Variants in SOX5 observed in about 807,000 individuals in gnomAD.
SOX5 encodes SRY-box transcription factor 5.
A neutral mutation model predicts 92.0 loss-of-function variants in SOX5; 9 were observed. The observed-to-expected ratio is 0.10, with a 90% confidence interval of 0.06 to 0.17. The LOEUF is 0.17. Ranked by LOEUF, SOX5 falls within the 10% of genes least tolerant of loss-of-function variation. The pLI, the probability that SOX5 is intolerant of heterozygous loss-of-function variation, is 1.00. For synonymous variants in SOX5, 344 were observed against 336.3 expected, an observed-to-expected ratio of 1.02 and a Z score of -0.25; for missense variants, 642 against 944.5, an observed-to-expected ratio of 0.68 and a Z score of 4.20.
At chr12:24,484,818 T>C (rs1168305148) in intron 1 of SOX5, among the ~76,000 whole-genome samples, 3 of 152,200 alleles carry the variant, frequency 2.0e-5, no homozygotes, top group Non-Finnish European at 4.4e-5. Context: ...TCAACCCCTG[T>C]TTTGCATAAA....
chr12:24,310,588 T>G (rs1330820386), intron 2 of SOX5, among the ~76,000 whole-genome samples: 1 of 152,168 alleles, frequency 6.6e-6, no homozygotes, highest in Non-Finnish European at 1.5e-5. Context: ...TCCACATTCT[T>G]TTGGATGAAA....
At chr12:24,161,975 A>T (rs1593772334) in intron 4 of SOX5, among the ~76,000 whole-genome samples, 2 of 152,246 alleles carry the variant, frequency 1.3e-5, no homozygotes, top group East Asian at 3.9e-4. Flanking sequence ...GGTTAATGGG[A>T]AAATTTAATA....
At chr12:23,566,375 T>C (rs1947092395) in intron 10 of SOX5, among the ~76,000 whole-genome samples, 3 of 152,192 alleles carry the variant, frequency 2.0e-5, no homozygotes, top group South Asian at 4.1e-4. Context: ...TCTGTTGCAA[T>C]TGGTCTCTAG....
intron 3 of SOX5, among the ~76,000 whole-genome samples, chr12:23,809,497 A>AT (rs1241620403): frequency 2.0e-5 from 3 of 151,912 alleles, no homozygotes; most frequent in African/African-American, 7.2e-5. Context: ...GTAGCCCCAA[A>AT]TTATGTGGCT....
intron 3 of SOX5, among the ~76,000 whole-genome samples, chr12:23,784,110 A>C (rs114251839): frequency 0.014 from 2,116 of 152,228 alleles, 55 homozygotes; most frequent in African/African-American, 0.048. Flanking sequence ...TATTATGATG[A>C]CGAGAAAGGA....
intron 3 of SOX5, among the ~76,000 whole-genome samples, chr12:24,239,759 G>T (rs143439156): frequency 3.6e-4 from 55 of 152,290 alleles, no homozygotes; most frequent in African/African-American, 1.2e-3. Context: ...AAAGTTTTCT[G>T]CCAGGAAGAG....
intron 2 of SOX5, among the ~76,000 whole-genome samples, chr12:24,364,407 T>C (rs111310863): frequency 2.3e-3 from 347 of 151,326 alleles, no homozygotes; most frequent in African/African-American, 7.9e-3. Context: ...TCTTCTGTCC[T>C]TAGAAAGGAC....
At position 23,714,086 on chromosome 12, in the gene SOX5, G is replaced by A. The variant is rs1376123784; in HGVS notation, c.810+20598C>T. Among the ~76,000 whole-genome samples, 6 of 143,022 alleles carry A rather than the reference G, an allele frequency of 4.2e-5. No homozygotes were observed. In the South Asian group the frequency reaches 6.6e-4, roughly 16 times the overall value. 93.8% of individuals were successfully genotyped at this position (143,022 alleles called of 152,430 possible). ...AGACTAGGTGACAAAGCAAGACTCC[G>A]CCTCAAAAAAAAAAAAAAAGAAAAG... On this transcript the variant is annotated intron_variant, in intron 6 of 14. Coordinates refer to ENST00000451604, the MANE Select transcript of SOX5 (RefSeq NM_006940.6).
intron 6 of SOX5, among the ~76,000 whole-genome samples, chr12:23,704,342 A>G (rs187197888): frequency 6.6e-6 from 1 of 152,006 alleles, no homozygotes; most frequent in African/African-American, 2.4e-5. Context: ...GAATTGAAAA[A>G]TCACCATTAT....
At chr12:24,516,866 T>G (rs1949834648) in intron 1 of SOX5, among the ~76,000 whole-genome samples, 1 of 152,200 alleles carries the variant, frequency 6.6e-6, no homozygotes, top group Admixed American at 6.5e-5. Flanking sequence ...TTCCTAACAC[T>G]AGAAAAGATA....
At chr12:23,900,126 C>T (rs2097216140) in intron 1 of SOX5, among the ~76,000 whole-genome samples, 1 of 151,944 alleles carries the variant, frequency 6.6e-6, no homozygotes, top group South Asian at 2.1e-4. Context: ...ATTTAGGGTT[C>T]AAGCTTACTT....
Position 23,533,288 on chromosome 12 carries a change from C to T in SOX5, c.*931G>A. The T allele has an allele frequency of 2.5e-6, 1 of 407,736 alleles. No homozygotes were observed. Among genetic ancestry groups the T allele is most frequent in the Non-Finnish European group, 5.1e-6 (1 of 195,380 alleles). 25.3% of individuals were successfully genotyped at this position (407,736 alleles called of 1,614,324 possible). The stretch of plus-strand genomic sequence containing the variant: ...AAATCCAAGATCAGAAAATATTTTT[C>T]TCTAAATTTCTTATGTCTCTCTCTC... On this transcript the variant is annotated 3_prime_UTR_variant, in exon 15 of 15. Coordinates refer to ENST00000451604, the MANE Select transcript of SOX5 (RefSeq NM_006940.6).
chr12:24,016,965 A>C (rs1333182780), intron 4 of SOX5, among the ~76,000 whole-genome samples: 1 of 152,218 alleles, frequency 6.6e-6, no homozygotes, highest in African/African-American at 2.4e-5. Context: ...AAATATTCTC[A>C]TCCAAAGAAT....
rs1188912729 is a variant in SOX5, at chr12:24,007,739, A to ATG, written c.-1-111716_-1-111715insCA. The stretch of plus-strand genomic sequence containing the variant: ...TATAAATGTATATAAATGTATATAA[A>ATG]TATATTTATGTATATAAATGTATAT... On this transcript the variant is annotated intron_variant, in intron 4 of 4. Coordinates refer to the SOX5 transcript ENST00000446891. Among the ~76,000 whole-genome samples, 70 of 36,838 alleles carry ATG rather than the reference A, an allele frequency of 1.9e-3. 25 individuals are homozygous for ATG. Among genetic ancestry groups the ATG allele is most frequent in the Non-Finnish European group, 3.6e-3 (50 of 13,942 alleles). The allele number at this position is 36,838 out of a possible 152,430, so 24.2% of individuals were successfully genotyped here.
At chr12:23,823,611 A>G (rs190810590) in intron 3 of SOX5, among the ~76,000 whole-genome samples, 1 of 152,136 alleles carries the variant, frequency 6.6e-6, no homozygotes, top group East Asian at 1.9e-4. Flanking sequence ...GCTCTTCTAG[A>G]GCAGTATCTT....
upstream of SOX5, among the ~76,000 whole-genome samples, chr12:23,955,127 C>G (rs1434857545): frequency 6.6e-6 from 1 of 151,980 alleles, no homozygotes; most frequent in Non-Finnish European, 1.5e-5. Flanking sequence ...ATATTTTCTG[C>G]ATAGTTTTTA....
chr12:24,096,084 CT>C (rs1945376156), intron 4 of SOX5, among the ~76,000 whole-genome samples: 1 of 151,998 alleles, frequency 6.6e-6, no homozygotes, highest in East Asian at 1.9e-4. Flanking sequence ...TTAACTTTTA[CT>C]TTTTGTTTTT....
chr12:23,863,775 A>G (rs1228728411), intron 2 of SOX5, among the ~76,000 whole-genome samples: 2 of 150,272 alleles, frequency 1.3e-5, no homozygotes, highest in East Asian at 3.9e-4. Flanking sequence ...CAACTCCTAA[A>G]TAACATTTTA....
At chr12:24,213,578 T>C (rs906344113) in intron 3 of SOX5, among the ~76,000 whole-genome samples, 1 of 143,874 alleles carries the variant, frequency 7.0e-6, no homozygotes, top group Non-Finnish European at 1.5e-5. Flanking sequence ...TTGGAAAAAA[T>C]ATTAAGTACT....
Sources: gnomAD v4.1 joint callset for allele counts (sites outside exome capture counted in the v4.1 genomes callset) on GRCh38, gnomAD v4.1.1 for gene constraint, MANE v1.5 for transcripts, NCBI Gene and HGNC (gene_info 2026-07-23, HGNC 2026-07-21) for gene names.